The following PTPRT variants were observed in gnomAD, a reference collection of about 807,000 sequenced individuals.
PTPRT encodes receptor-type tyrosine-protein phosphatase T.
Under a neutral mutation model 176.8 loss-of-function variants are expected in PTPRT, and 56 were observed. The observed-to-expected ratio is 0.32, with a 90% CI of 0.26 to 0.40. The LOEUF is 0.40. Among genes scored for constraint, PTPRT ranks in the 10% least tolerant of loss-of-function variants. The pLI is 1.00. For missense variants in PTPRT, 1,540 were observed against 1,908.2 expected, an observed-to-expected ratio of 0.81 and a Z score of 3.60; for synonymous variants, 783 against 739.0, an observed-to-expected ratio of 1.06 and a Z score of -0.96.
chr20:42,734,983 T>C (rs1310079157), intron 6 of PTPRT, among the ~76,000 whole-genome samples: 3 of 152,146 alleles, frequency 2.0e-5, no homozygotes, highest in African/African-American at 7.2e-5. Context: ...ACTCTGCCCA[T>C]GGGGAGGGAT....
At chr20:43,061,785 C>G (rs1340334280) in intron 1 of PTPRT, among the ~76,000 whole-genome samples, 3 of 152,204 alleles carry the variant, frequency 2.0e-5, no homozygotes, top group Non-Finnish European at 4.4e-5. Context: ...TTTTCAGACC[C>G]CATTAAATCC....
chr20:42,504,233 A>T (rs943607308), intron 7 of PTPRT, among the ~76,000 whole-genome samples: 1 of 152,100 alleles, frequency 6.6e-6, no homozygotes, highest in Non-Finnish European at 1.5e-5. Context: ...GTGGGCCCAA[A>T]CTGTTGCACA....
Position 42,448,243 on chromosome 20 carries a change from T to C in PTPRT, c.1537A>G (p.Asn513Asp), listed in dbSNP as rs748614887. ...YIQWKPPNET[N>D]GVITLYEINY... Reference sequence around the variant, plus strand: ...ACCTCGTAGAGCGTGATGACCCCATTGGTCTCATTGGGAGGTTTCCACTGG... The same window carrying C: ...ACCTCGTAGAGCGTGATGACCCCATCGGTCTCATTGGGAGGTTTCCACTGG... Residue 513 changes from asparagine (N) to aspartate (D), a missense_variant, in exon 9 of 31, where the codon AAT (asparagine) becomes GAT (aspartate). This residue lies in a region of PTPRT where 136 missense variants were observed against 135.0 expected (regional missense o/e 1.01). Transcript: ENST00000373187. The C allele has an allele frequency of 1.9e-6, 3 of 1,612,872 alleles. No individual in the cohort carries two copies. The highest frequency in any genetic ancestry group is 2.5e-6 in the Non-Finnish European group (3 of 1,178,896).
chr20:43,119,099 T>C (rs1329918238), intron 1 of PTPRT, among the ~76,000 whole-genome samples: 1 of 152,254 alleles, frequency 6.6e-6, no homozygotes, highest in South Asian at 2.1e-4. Context: ...AAAATAATGT[T>C]CATAAGAATA....
chr20:42,813,045 G>T (rs575505587), intron 2 of PTPRT, among the ~76,000 whole-genome samples: 32 of 152,114 alleles, frequency 2.1e-4, no homozygotes, highest in African/African-American at 7.2e-4. Flanking sequence ...TCATGTGCTT[G>T]TTAAGACTTC....
chr20:42,101,955 A>G (rs1985979768), intron 26 of PTPRT, among the ~76,000 whole-genome samples, 169 bp downstream of exon 26: 1 of 152,130 alleles, frequency 6.6e-6, no homozygotes, highest in Non-Finnish European at 1.5e-5. Context: ...CCTTGTGTCT[A>G]GGTTTGGACC....
intron 9 of PTPRT, among the ~76,000 whole-genome samples, chr20:42,420,255 T>A (rs1391170786): frequency 6.6e-6 from 1 of 152,154 alleles, no homozygotes; most frequent in African/African-American, 2.4e-5. Context: ...AACACATTTA[T>A]CTGAGGGCCT....
At chr20:42,554,387 G>A (rs534336237) in intron 7 of PTPRT, among the ~76,000 whole-genome samples, 2 of 152,162 alleles carry the variant, frequency 1.3e-5, no homozygotes, top group Admixed American at 1.3e-4. Flanking sequence ...CCCACCACTA[G>A]CTAAATGCTG....
intron 9 of PTPRT, among the ~76,000 whole-genome samples, chr20:42,397,219 A>G (rs182182745): frequency 2.0e-5 from 3 of 152,348 alleles, no homozygotes; most frequent in Admixed American, 2.0e-4. Context: ...CGTTAATTAA[A>G]ATGCACACAG....
intron 11 of PTPRT, among the ~76,000 whole-genome samples, chr20:42,335,402 A>G (rs2058025849): frequency 6.6e-6 from 1 of 151,812 alleles, no homozygotes; most frequent in African/African-American, 2.4e-5. Flanking sequence ...CTGGTTAGGT[A>G]AGCAATGCTT....
intron 9 of PTPRT, among the ~76,000 whole-genome samples, chr20:42,405,629 T>A (rs1230112102): frequency 6.6e-6 from 1 of 152,210 alleles, no homozygotes; most frequent in East Asian, 1.9e-4. Flanking sequence ...TCTTTGCCAT[T>A]GTGAATAGTG....
chr20:42,227,254 A>G (rs2056035120), intron 15 of PTPRT, among the ~76,000 whole-genome samples: 1 of 152,138 alleles, frequency 6.6e-6, no homozygotes. Flanking sequence ...GGCAGAGGAA[A>G]GGTTGAATGG....
intron 15 of PTPRT, among the ~76,000 whole-genome samples, chr20:42,225,705 C>T (rs532657731): frequency 5.9e-5 from 9 of 152,272 alleles, no homozygotes; most frequent in South Asian, 2.1e-4. Flanking sequence ...CAGGCTGGAG[C>T]GCAGCTGCAC....
intron 7 of PTPRT, among the ~76,000 whole-genome samples, chr20:42,573,254 C>T (rs931116013): frequency 2.6e-5 from 4 of 152,168 alleles, no homozygotes; most frequent in Admixed American, 6.5e-5. Flanking sequence ...CCTGGCTGCA[C>T]AAGCCCAGCC....
intron 1 of PTPRT, among the ~76,000 whole-genome samples, chr20:43,102,248 ATCTC>A (rs111672972): frequency 1.4e-4 from 21 of 146,752 alleles, no homozygotes; most frequent in East Asian, 4.0e-4. Context: ...TTCACTGGAC[ATCTC>A]TCTCTCTCTC....
chr20:42,060,072 C>G, the PTPRT span, among the ~76,000 whole-genome samples: 1 of 152,178 alleles, frequency 6.6e-6, no homozygotes, highest in Non-Finnish European at 1.5e-5. Flanking sequence ...TGGCTTGGCA[C>G]TTTCTACAAC....
intron 11 of PTPRT, among the ~76,000 whole-genome samples, chr20:42,321,219 G>T (rs1568772299): frequency 6.6e-6 from 1 of 152,120 alleles, no homozygotes; most frequent in Non-Finnish European, 1.5e-5. Context: ...GAATCTCAAT[G>T]GAGGGTTGCT....
At chr20:42,255,207 G>A (rs575340045) in intron 13 of PTPRT, among the ~76,000 whole-genome samples, 24 of 152,300 alleles carry the variant, frequency 1.6e-4, no homozygotes, top group African/African-American at 3.4e-4. Flanking sequence ...GCAAGCTTGC[G>A]TCTAGATGCC....
intron 8 of PTPRT, among the ~76,000 whole-genome samples, chr20:42,464,568 C>G (rs1483296609): frequency 6.6e-6 from 1 of 152,152 alleles, no homozygotes; most frequent in Non-Finnish European, 1.5e-5. Flanking sequence ...CAGCACAATG[C>G]CTAGTTCATA....
Sources: gnomAD v4.1 joint callset for allele counts (sites outside exome capture counted in the v4.1 genomes callset) on GRCh38, gnomAD v4.1.1 for gene constraint, gnomAD v4.1.1 regional missense constraint, MANE v1.5 for transcripts, NCBI Gene and HGNC (gene_info 2026-07-23, HGNC 2026-07-21) for gene names.